Variants in MED13 observed in about 807,000 individuals in gnomAD.
MED13 encodes the protein mediator complex subunit 13, also known as mediator of RNA polymerase II transcription subunit 13.
Under a neutral mutation model 225.2 loss-of-function variants are expected in MED13, and 23 were observed. That is an observed-to-expected ratio of 0.10 (90% CI 0.07 to 0.14). The LOEUF (loss-of-function observed/expected upper bound fraction) is 0.14, where lower values mean the gene tolerates loss of function less well. MED13 is among the 10% of genes least tolerant of loss of function. MED13 has a pLI of 1.00. For missense variants in MED13, 2,197 were observed against 2,594.5 expected, an observed-to-expected ratio of 0.85 and a Z score of 3.33; for synonymous variants, 942 against 889.2, an observed-to-expected ratio of 1.06 and a Z score of -1.06.
intron 2 of MED13, among the ~76,000 whole-genome samples, chr17:62,055,987 T>A (rs940211708): frequency 1.3e-5 from 2 of 152,162 alleles, no homozygotes; most frequent in Non-Finnish European, 2.9e-5. Flanking sequence ...AACAAACAAG[T>A]AGAGACCACC....
chr17:61,962,465 T>C (rs2080009509), intron 21 of MED13, among the ~76,000 whole-genome samples: 1 of 152,218 alleles, frequency 6.6e-6, no homozygotes, highest in Non-Finnish European at 1.5e-5. Context: ...TGCTACATTT[T>C]TCTATTTAGG....
At chr17:61,946,743 C>G (rs915067957) in intron 29 of MED13, 143 bp from the exon 30 acceptor site, 1 of 1,168,222 alleles carries the variant, frequency 8.6e-7, no homozygotes, top group Non-Finnish European at 1.2e-6. Context: ...GAAGCAATTT[C>G]CATAAAAATT....
intron 14 of MED13, 32 bp downstream of exon 14, chr17:61,984,619 G>A: frequency 1.3e-6 from 2 of 1,525,180 alleles, no homozygotes; most frequent in Non-Finnish European, 1.8e-6. Flanking sequence ...AATATAGGAA[G>A]TGAATTATTT....
chr17:62,019,868 C>T (rs2080621351), intron 8 of MED13, among the ~76,000 whole-genome samples: 1 of 151,852 alleles, frequency 6.6e-6, no homozygotes, highest in African/African-American at 2.4e-5. Flanking sequence ...CTTAGCCTCC[C>T]GAGTAGCTGG....
chr17:61,973,923 C>T (rs1479398141), intron 16 of MED13, among the ~76,000 whole-genome samples: 1 of 151,950 alleles, frequency 6.6e-6, no homozygotes, highest in Non-Finnish European at 1.5e-5. Flanking sequence ...GCAGGGGTTG[C>T]AGTGAGCCGA....
intron 3 of MED13, among the ~76,000 whole-genome samples, chr17:62,047,202 CTCTACTAAAAATACAAAAAT>C (rs1222216832): frequency 3.9e-5 from 6 of 152,044 alleles, no homozygotes; most frequent in Admixed American, 3.3e-4. Flanking sequence ...GAAACCCCGT[CTCTACTAAAAATACAAAAAT>C]TAGCCGGGCG....
chr17:62,013,558 T>C (rs2080532143), intron 8 of MED13, among the ~76,000 whole-genome samples: 1 of 151,272 alleles, frequency 6.6e-6, no homozygotes, highest in African/African-American at 2.4e-5. Flanking sequence ...TATGAAAAAC[T>C]ACAACTAATA....
chr17:62,011,709 T>C (rs2080510915), intron 8 of MED13, among the ~76,000 whole-genome samples: 1 of 152,154 alleles, frequency 6.6e-6, no homozygotes, highest in African/African-American at 2.4e-5. Flanking sequence ...CTCTACTAAA[T>C]AGAAGTTACA....
At chr17:62,022,658 G>A (rs2080660656) in intron 8 of MED13, among the ~76,000 whole-genome samples, 1 of 152,022 alleles carries the variant, frequency 6.6e-6, no homozygotes. Context: ...TAACTAATAT[G>A]GAAAGATCTG....
At chr17:61,992,441 A>T in intron 11 of MED13, 99 bp downstream of exon 11, 1 of 680,942 alleles carries the variant, frequency 1.5e-6, no homozygotes, top group East Asian at 2.7e-5. Context: ...AAACATAATG[A>T]ATTATACAAA....
intron 19 of MED13, 67 bp from the exon 20 acceptor site, chr17:61,965,535 T>C: frequency 7.8e-6 from 11 of 1,405,320 alleles, no homozygotes; most frequent in Non-Finnish European, 1.1e-5. Context: ...TAAATTCTAC[T>C]GTGTAAACAG....
At chr17:61,986,308 CA>C (rs1177500929) in intron 12 of MED13, among the ~76,000 whole-genome samples, 2 of 152,020 alleles carry the variant, frequency 1.3e-5, no homozygotes, top group African/African-American at 4.8e-5. Context: ...GGACTAAATG[CA>C]TATTATATAG....
rs746070429 is a variant in MED13 at position 61,995,134 on chromosome 17, T to G, written c.2181+18A>C. On this transcript the variant is annotated intron_variant, in intron 10 of 29. Coordinates refer to ENST00000397786, the MANE Select transcript of MED13 (RefSeq NM_005121.3). ...CAAAATCAACAGTGACCCTTTGGTG[T>G]ACTGTGATTTCTCTTACCTTGTGTT... The G allele has an allele frequency of 1.8e-5, 28 of 1,543,170 alleles. 1 individual carries two copies. In the South Asian group the frequency reaches 2.7e-4, roughly 15 times the overall value.
chr17:62,056,009 T>C (rs1380153352), intron 2 of MED13, among the ~76,000 whole-genome samples: 1 of 152,200 alleles, frequency 6.6e-6, no homozygotes. Context: ...GTTGAGGTTT[T>C]CTAAATCCAA....
intron 2 of MED13, among the ~76,000 whole-genome samples, chr17:62,061,502 G>GCC (rs1454934621): frequency 2.0e-5 from 3 of 152,084 alleles, no homozygotes; most frequent in African/African-American, 7.2e-5. Flanking sequence ...GAAGACCAAA[G>GCC]CCCCTAAGTC....
intron 3 of MED13, among the ~76,000 whole-genome samples, chr17:62,041,636 G>A (rs1293334500): frequency 1.3e-5 from 2 of 152,114 alleles, no homozygotes; most frequent in African/African-American, 4.8e-5. Context: ...GAGTGCAGTG[G>A]CATGATCAGA....
intron 12 of MED13, among the ~76,000 whole-genome samples, chr17:61,985,828 CTTA>C (rs1567960309): frequency 1.3e-5 from 2 of 152,170 alleles, no homozygotes; most frequent in Admixed American, 6.5e-5. Context: ...TATCTAAATT[CTTA>C]TTTATACTTT....
At chr17:62,003,264 C>G (rs1194311403) in intron 9 of MED13, among the ~76,000 whole-genome samples, 1 of 152,006 alleles carries the variant, frequency 6.6e-6, no homozygotes, top group African/African-American at 2.4e-5. Flanking sequence ...GGATATTTAC[C>G]TTATCATCTA....
chr17:62,001,836 C>T (rs924707762), intron 9 of MED13, among the ~76,000 whole-genome samples: 13 of 152,000 alleles, frequency 8.6e-5, no homozygotes, highest in African/African-American at 2.7e-4. Context: ...CAGCATCCTG[C>T]GTAAGAGAAA....
Sources: gnomAD v4.1 joint callset for allele counts (sites outside exome capture counted in the v4.1 genomes callset) on GRCh38, gnomAD v4.1.1 for gene constraint, MANE v1.5 for transcripts, NCBI Gene and HGNC (gene_info 2026-07-23, HGNC 2026-07-21) for gene names.